The following KCNK13 variants were observed in gnomAD, a reference collection of about 807,000 sequenced individuals.
KCNK13 encodes potassium channel subfamily K member 13.
KCNK13 carries 12 observed loss-of-function variants against 23.4 expected under a neutral mutation model. That is an observed-to-expected ratio of 0.51 (90% CI 0.33 to 0.83). The LOEUF is 0.83. Ranked by LOEUF, KCNK13 falls within the 40% of genes least tolerant of loss-of-function variation. The pLI is 0.02. For missense variants in KCNK13, 463 were observed against 556.3 expected, an observed-to-expected ratio of 0.83 and a Z score of 1.69; for synonymous variants, 231 against 229.5, an observed-to-expected ratio of 1.01 and a Z score of -0.06.
intron 1 of KCNK13, among the ~76,000 whole-genome samples, chr14:90,151,290 A>T (rs1455687146): frequency 6.6e-6 from 1 of 152,214 alleles, no homozygotes; most frequent in East Asian, 1.9e-4. Flanking sequence ...GTCTTTTACC[A>T]CATCAACGAC....
At position 90,184,940 on chromosome 14, in the gene KCNK13, A is replaced by AG. The variant is rs766469179; in HGVS notation, c.1171dup (p.Val391GlyfsTer67). On this transcript the variant is annotated frameshift_variant, in exon 2 of 2. Transcript: ENST00000282146. LOFTEE classifies it high-confidence loss of function. The surrounding 1 kb of genome is among the most constrained non-coding windows in gnomAD (Gnocchi z 5.6). Reference sequence around the variant, plus strand: ...CACTGGCCCGGGACAATGAATTCTCAGGGGGGGTGGGAGCCTTTGCAATCA... The same window carrying AG: ...CACTGGCCCGGGACAATGAATTCTCAGGGGGGGGTGGGAGCCTTTGCAATCA... The AG allele has an allele frequency of 9.9e-6, 16 of 1,611,252 alleles. No homozygotes were observed. Among genetic ancestry groups the AG allele is most frequent in the Admixed American group, 1.7e-5 (1 of 59,922 alleles).
chr14:90,101,469 C>T (rs1237270051), intron 1 of KCNK13, among the ~76,000 whole-genome samples: 2 of 151,940 alleles, frequency 1.3e-5, no homozygotes, highest in East Asian at 3.9e-4. Flanking sequence ...AAATTGGGTT[C>T]AGGGTATGCT....
At chr14:90,073,666 T>C (rs1000756500) in intron 1 of KCNK13, among the ~76,000 whole-genome samples, 10 of 152,108 alleles carry the variant, frequency 6.6e-5, no homozygotes, top group Non-Finnish European at 8.8e-5. Context: ...TTGTGTTTTT[T>C]GTTTTTGTTT....
chr14:90,184,475 G>A lies in KCNK13; in HGVS notation c.699G>A (p.Val233=). The change falls in exon 2 of 2, where the codon GTG becomes GTA. Residue 233 remains valine (V), a synonymous_variant. Coordinates refer to ENST00000282146, the MANE Select transcript of KCNK13 (RefSeq NM_022054.4). This position sits in a 1 kb window ranked among gnomAD's most constrained non-coding sequence, Gnocchi z 5.6. ...SYFDSLYFCF[V]AFSTIGFGDL... Reference sequence around the variant, plus strand: ...TTGACTCACTCTACTTCTGTTTTGTGGCTTTCAGCACCATTGGCTTTGGGG... The same window carrying A: ...TTGACTCACTCTACTTCTGTTTTGTAGCTTTCAGCACCATTGGCTTTGGGG... The A allele has an allele frequency of 6.2e-7, 1 of 1,614,244 alleles. No homozygotes were observed. The highest frequency in any genetic ancestry group is 8.5e-7 in the Non-Finnish European group (1 of 1,180,046).
At chr14:90,172,002 G>A (rs943798108) in intron 1 of KCNK13, among the ~76,000 whole-genome samples, 7 of 152,212 alleles carry the variant, frequency 4.6e-5, no homozygotes, top group South Asian at 2.1e-4. Context: ...TGTTCTTGAT[G>A]GGAAAAAATT....
At position 90,159,325 on chromosome 14, in the gene KCNK13, G is replaced by A. The variant is rs989393604; in HGVS notation, c.335-24786G>A. On this transcript the variant is annotated intron_variant, in intron 1 of 1. Coordinates refer to ENST00000282146, the MANE Select transcript of KCNK13 (RefSeq NM_022054.4). ...CTATGCAAACCATGACAATAGCTAA[G>A]ACCTTTCTGCCCTGATTAGAAATCA... Among the ~76,000 whole-genome samples, 5 of 152,296 alleles carry A rather than the reference G, an allele frequency of 3.3e-5. No homozygotes were observed. In the East Asian group the frequency reaches 7.7e-4, roughly 24 times the overall value.
At chr14:90,093,633 T>C (rs1243617943) in intron 1 of KCNK13, among the ~76,000 whole-genome samples, 1 of 152,124 alleles carries the variant, frequency 6.6e-6, no homozygotes, top group East Asian at 1.9e-4. Flanking sequence ...GGGGCCCCCA[T>C]GGAGAGCAGA....
At chr14:90,122,696 C>A (rs572339385) in intron 1 of KCNK13, among the ~76,000 whole-genome samples, 1 of 151,576 alleles carries the variant, frequency 6.6e-6, no homozygotes, top group South Asian at 2.1e-4. Flanking sequence ...TGGCCCGAGG[C>A]ACTCAATGAA....
At chr14:90,126,567 G>A (rs1459868350) in intron 1 of KCNK13, among the ~76,000 whole-genome samples, 1 of 151,820 alleles carries the variant, frequency 6.6e-6, no homozygotes, top group Admixed American at 6.6e-5. Flanking sequence ...TTTCTGAGAT[G>A]GAGTCTCGCT....
At position 90,158,676 on chromosome 14, in the gene KCNK13, G is replaced by A. The variant is rs563331613; in HGVS notation, c.335-25435G>A. On this transcript the variant is annotated intron_variant, in intron 1 of 1. Coordinates refer to ENST00000282146, the MANE Select transcript of KCNK13 (RefSeq NM_022054.4). ...GTAGGTGGGGTAGAGGAGGGAGAAG[G>A]TTCCCTTCCTCCCTTCCTGCCTGCC... Among the ~76,000 whole-genome samples, 4 of 152,314 alleles carry A rather than the reference G, an allele frequency of 2.6e-5. No individual in the cohort carries two copies. The South Asian group carries it at 8.3e-4, about 32-fold the overall frequency.
At chr14:90,102,627 C>T (rs1957769845) in intron 1 of KCNK13, among the ~76,000 whole-genome samples, 2 of 152,204 alleles carry the variant, frequency 1.3e-5, no homozygotes, top group Non-Finnish European at 2.9e-5. Flanking sequence ...CATTATTCCT[C>T]ATAGCCTTTG....
At chr14:90,117,701 G>A (rs1889693022) in intron 1 of KCNK13, among the ~76,000 whole-genome samples, 2 of 152,130 alleles carry the variant, frequency 1.3e-5, no homozygotes, top group South Asian at 4.1e-4. Flanking sequence ...ACGTAAGGGG[G>A]GACCACTTGT....
Position 90,062,456 on chromosome 14 carries a change from C to A in KCNK13, c.251C>A (p.Ala84Asp). Residue 84 changes from alanine (A) to aspartate (D), a missense_variant, in exon 1 of 2, where the codon GCC becomes GAC. By Grantham distance (126) the Ala-to-Asp change is moderately radical. This residue lies in a region of KCNK13 where 153 missense variants were observed against 153.6 expected (regional missense o/e 1.00). Transcript: ENST00000282146. This position sits in a 1 kb window ranked among gnomAD's most constrained non-coding sequence, Gnocchi z 4.5. The stretch of plus-strand genomic sequence containing the variant: ...CGCCACTACGAGGAGGCCACTCGGG[C>A]CGGCATCCGCGTGGACAACGTCCGC... ...FLRHYEEATR[A>D]GIRVDNVRPR... 6.5e-7 allele frequency: 1 copy of A among 1,546,774 alleles called. No homozygotes were observed. Among genetic ancestry groups the A allele is most frequent in the Non-Finnish European group, 8.7e-7 (1 of 1,146,052 alleles).
At chr14:90,120,874 G>T (rs1889731070) in intron 1 of KCNK13, among the ~76,000 whole-genome samples, 1 of 152,154 alleles carries the variant, frequency 6.6e-6, no homozygotes, top group Admixed American at 6.5e-5. Flanking sequence ...TCCGAGACAA[G>T]GCAAGTCCCT....
intron 1 of KCNK13, among the ~76,000 whole-genome samples, chr14:90,071,709 C>T (rs1019425001): frequency 2.6e-5 from 4 of 152,154 alleles, no homozygotes; most frequent in South Asian, 4.2e-4. Context: ...CCATTGTGGC[C>T]AACATGGTGA....
chr14:90,140,402 A>T (rs942762997), intron 1 of KCNK13, among the ~76,000 whole-genome samples: 2 of 152,214 alleles, frequency 1.3e-5, no homozygotes, highest in East Asian at 3.8e-4. Flanking sequence ...GAACATTTTA[A>T]CGTACCGTAC....
At position 90,143,171 on chromosome 14, in the gene KCNK13, C is replaced by CTTTCTTTCT. The variant is rs1555352138; in HGVS notation, c.335-40933_335-40932insCTTTTCTTT. On this transcript the variant is annotated intron_variant, in intron 1 of 1. Coordinates refer to ENST00000282146, the MANE Select transcript of KCNK13 (RefSeq NM_022054.4). The stretch of plus-strand genomic sequence containing the variant: ...ACTTTCTTTCTTTCTTTCTTTCTTT[C>CTTTCTTTCT]TTTCTTTTCTTTTCTTTTCTTTCTT... Among the ~76,000 whole-genome samples, 71 of 123,846 alleles carry CTTTCTTTCT rather than the reference C, an allele frequency of 5.7e-4. 1 individual carries two copies. Among genetic ancestry groups the CTTTCTTTCT allele is most frequent in the East Asian group, 1.6e-3 (6 of 3,686 alleles). The allele number at this position is 123,846 out of a possible 152,430, so 81.2% of individuals were successfully genotyped here.
intron 1 of KCNK13, among the ~76,000 whole-genome samples, chr14:90,171,929 C>G (rs1890368994): frequency 6.6e-6 from 1 of 152,170 alleles, no homozygotes; most frequent in Non-Finnish European, 1.5e-5. Context: ...TGTGAAATTT[C>G]ACAGAGACAA....
At chr14:90,159,989 A>G (rs1291849075) in intron 1 of KCNK13, among the ~76,000 whole-genome samples, 1 of 151,876 alleles carries the variant, frequency 6.6e-6, no homozygotes, top group East Asian at 1.9e-4. Context: ...ATGCATGCAT[A>G]CAGAGGGGGT....
Sources: allele counts gnomAD v4.1 joint callset (sites outside exome capture counted in the v4.1 genomes callset), GRCh38; gene constraint gnomAD v4.1.1; regional missense constraint gnomAD v4.1.1; non-coding constraint Gnocchi (gnomAD v3.1); transcripts MANE v1.5; gene names NCBI Gene and HGNC (gene_info 2026-07-23, HGNC 2026-07-21).